HOPX: variants seen among roughly 807,000 people sequenced by gnomAD.
HOPX encodes the protein homeodomain-only protein.
In HOPX, 5 loss-of-function variants were observed where a neutral mutation model predicts 11.8. The observed-to-expected ratio is 0.43, with a 90% CI of 0.22 to 0.89. HOPX has a LOEUF of 0.89. Ranked by LOEUF, HOPX falls within the 40% of genes least tolerant of loss-of-function variation. HOPX has a pLI of 0.28. For missense variants in HOPX, 119 were observed against 120.0 expected (o/e 0.99, Z 0.04); for synonymous variants, 49 against 49.7 (o/e 0.99, Z 0.06).
chr4:56,664,327 T>C (rs1412065513), intron 1 of HOPX: 6 of 150,148 alleles, frequency 4.0e-5, no homozygotes, highest in Admixed American at 4.0e-4. Flanking sequence ...GTAGAGACAG[T>C]GTTTTGCCAT....
At chr4:56,664,154 G>A (rs1718304685) in intron 1 of HOPX, 1 of 149,742 alleles carries the variant, frequency 6.7e-6, no homozygotes, top group African/African-American at 2.5e-5. Flanking sequence ...TTTTTGAGAT[G>A]GAGTCTCACA....
intron 1 of HOPX, among the ~76,000 whole-genome samples, chr4:56,670,927 G>A (rs1375692909): frequency 1.3e-5 from 2 of 151,812 alleles, no homozygotes; most frequent in South Asian, 2.1e-4. Flanking sequence ...AACCCGGGAG[G>A]CGGAGGTTGC....
At position 56,651,571 on chromosome 4, in the gene HOPX, GATTT is replaced by G. The variant is rs1289734764; in HGVS notation, c.199-2778_199-2775del. The stretch of plus-strand genomic sequence containing the variant: ...CTCATTACCCTTGCCCATTGATGGA[GATTT>G]ATTTACTCTGAATAAACAGATGATA... On this transcript the variant is annotated intron_variant, in intron 3 of 3. Transcript: ENST00000420433. Among the ~76,000 whole-genome samples, 6 of 152,262 alleles carry G rather than the reference GATTT, an allele frequency of 3.9e-5. No homozygotes were observed. The East Asian group carries it at 1.2e-3, about 29-fold the overall frequency.
In HOPX at chr4:56,651,871, AGAGTGT is replaced by A. The variant is rs1401572915; in HGVS notation, c.199-3080_199-3075del. Among the ~76,000 whole-genome samples, 711 of 109,544 alleles carry A rather than the reference AGAGTGT, an allele frequency of 6.5e-3. 5 individuals are homozygous for A. Among genetic ancestry groups the A allele is most frequent in the African/African-American group, 0.022 (641 of 29,600 alleles). 71.9% of individuals were successfully genotyped at this position (109,544 alleles called of 152,430 possible). A position where few individuals can be genotyped will look rare whatever the true frequency, so the allele number is the denominator to read the frequency against. On this transcript the variant is annotated intron_variant, in intron 3 of 3. Coordinates refer to ENST00000420433, the MANE Select transcript of HOPX (RefSeq NM_032495.6). ...GGGAGAGAGAGAAAGAGAGAGAGAG[AGAGTGT>A]GTGTGTGTGTGTGTGTGTGTGTGTG...
chr4:56,680,319 G>A (rs28756264), intron 1 of HOPX: 155 of 152,186 alleles, frequency 1.0e-3, no homozygotes, highest in African/African-American at 3.4e-3. Context: ...TGGAATTAAT[G>A]CCCTGCTCTA....
chr4:56,648,687 C>T lies in HOPX; in HGVS notation c.*33G>A, dbSNP rs1230781174. 1 of 1,506,226 alleles carries T rather than the reference C, an allele frequency of 6.6e-7. No individual in the cohort carries two copies. Among genetic ancestry groups the T allele is most frequent in the Admixed American group, 1.7e-5 (1 of 57,440 alleles). 93.3% of individuals were successfully genotyped at this position (1,506,226 alleles called of 1,614,324 possible). On this transcript the variant is annotated 3_prime_UTR_variant, in exon 4 of 4. Transcript: ENST00000420433. ...GGAGGAGAGAAACAGAGATGGCCTTCATGGAGTGAAGCTGTCAATGCCTGC... is the reference window on the plus strand; with the variant it reads ...GGAGGAGAGAAACAGAGATGGCCTTTATGGAGTGAAGCTGTCAATGCCTGC...
At chr4:56,678,548 C>T (rs1201272408) in intron 1 of HOPX, among the ~76,000 whole-genome samples, 11 of 148,564 alleles carry the variant, frequency 7.4e-5, no homozygotes, top group Admixed American at 5.5e-4. Flanking sequence ...CAGATTCAAG[C>T]GATTTTCCTG....
intron 2 of HOPX, among the ~76,000 whole-genome samples, chr4:56,657,145 T>A (rs564483098): frequency 6.6e-6 from 1 of 152,216 alleles, no homozygotes; most frequent in South Asian, 2.1e-4. Context: ...ACCAAAAACT[T>A]AAAAATTTTA....
chr4:56,677,136 C>T (rs2109555482), intron 1 of HOPX, among the ~76,000 whole-genome samples: 1 of 151,896 alleles, frequency 6.6e-6, no homozygotes, highest in African/African-American at 2.4e-5. Flanking sequence ...ATTATAGTAA[C>T]CTTAAGGTGG....
At chr4:56,666,435 A>C (rs1364532407) in intron 1 of HOPX, among the ~76,000 whole-genome samples, 1 of 152,242 alleles carries the variant, frequency 6.6e-6, no homozygotes, top group African/African-American at 2.4e-5. Flanking sequence ...CCGCTTACTG[A>C]AAACAGGAAG....
At chr4:56,655,759 C>G in intron 3 of HOPX, 98 bp downstream of exon 3, 1 of 1,367,940 alleles carries the variant, frequency 7.3e-7, no homozygotes, top group Non-Finnish European at 1.0e-6. Flanking sequence ...ATGGGGAGGG[C>G]AGCCCGGCGG....
chr4:56,659,387 G>T (rs1052319351), intron 1 of HOPX: 1 of 152,200 alleles, frequency 6.6e-6, no homozygotes, highest in African/African-American at 2.4e-5. Context: ...AGAAGTGGTG[G>T]GTCTTTGGAA....
intron 1 of HOPX, chr4:56,672,576 G>T (rs192056936): frequency 1.3e-5 from 2 of 151,644 alleles, no homozygotes; most frequent in East Asian, 1.9e-4. Flanking sequence ...AAAAGAAGAT[G>T]ACATTGAATG....
chr4:56,656,147 G>A, intron 2 of HOPX, 135 bp from the exon 3 acceptor site: 1 of 1,168,558 alleles, frequency 8.6e-7, no homozygotes, highest in Non-Finnish European at 1.1e-6. Context: ...GGCCGCGCAA[G>A]TCCCCGGTGG....
chr4:56,661,946 A>G (rs999795526), intron 1 of HOPX, among the ~76,000 whole-genome samples: 1 of 152,184 alleles, frequency 6.6e-6, no homozygotes, highest in Non-Finnish European at 1.5e-5. Context: ...TTTCTCCTCT[A>G]CAGAACTCCT....
rs914182818 is a variant in HOPX, at chr4:56,657,878, A to G, written c.-62T>C. On this transcript the variant is annotated 5_prime_UTR_variant, in exon 2 of 4. Transcript: ENST00000420433. ...ACCTGTGCTCCGCTAGACCCTTCTC[A>G]GTGGGGCAGTCTGTCATTAGTCTGG... 1.5e-5 allele frequency: 24 copies of G among 1,551,284 alleles called. No individual in the cohort carries two copies. Among genetic ancestry groups the G allele is most frequent in the Non-Finnish European group, 2.0e-5 (23 of 1,146,728 alleles).
chr4:56,664,059 C>T (rs1162377496), intron 1 of HOPX: 1 of 152,052 alleles, frequency 6.6e-6, no homozygotes, highest in Non-Finnish European at 1.5e-5. Flanking sequence ...GCCTAGTTCA[C>T]AGCTTTATGG....
chr4:56,668,070 G>A (rs1041977938), intron 1 of HOPX, among the ~76,000 whole-genome samples: 3 of 152,024 alleles, frequency 2.0e-5, no homozygotes, highest in Non-Finnish European at 4.4e-5. Context: ...GACTGCAGGC[G>A]CCCACCACCA....
At chr4:56,661,424 T>C (rs907720869) in intron 1 of HOPX, among the ~76,000 whole-genome samples, 8 of 152,244 alleles carry the variant, frequency 5.3e-5, no homozygotes, top group African/African-American at 1.9e-4. Context: ...CTCTTGTATA[T>C]GCCTTCTGCA....
Sources: allele counts gnomAD v4.1 joint callset (sites outside exome capture counted in the v4.1 genomes callset), GRCh38; gene constraint gnomAD v4.1.1; transcripts MANE v1.5; gene names NCBI Gene and HGNC (gene_info 2026-07-23, HGNC 2026-07-21).